RASSF3: variants seen among roughly 807,000 people sequenced by gnomAD.
RASSF3 encodes the protein ras association domain-containing protein 3.
In RASSF3, 19 loss-of-function variants were observed where a neutral mutation model predicts 19.9. The ratio of observed to expected loss-of-function variants is 0.96; its 90% CI spans 0.67 to 1.40. The LOEUF (loss-of-function observed/expected upper bound fraction) is 1.40, where lower values mean the gene tolerates loss of function less well. Among genes scored for constraint, RASSF3 ranks in the 40% most tolerant of loss-of-function variants. The pLI is 0.00. For synonymous variants in RASSF3, 110 were observed against 104.2 expected (o/e 1.06, Z -0.34); for missense variants, 306 against 289.8 (o/e 1.06, Z -0.41).
At chr12:64,576,103 A>G (rs2136132478) in intron 2 of RASSF3, among the ~76,000 whole-genome samples, 1 of 152,226 alleles carries the variant, frequency 6.6e-6, no homozygotes, top group South Asian at 2.1e-4. Flanking sequence ...TAAAGCAAGA[A>G]TAGTTAAAGC....
In RASSF3 at chr12:64,637,698, G is replaced by A. The variant is rs1871370099; in HGVS notation, c.111+26955G>A. Among the ~76,000 whole-genome samples, 3 of 152,120 alleles carry A rather than the reference G, an allele frequency of 2.0e-5. No homozygotes were observed. In the South Asian group the frequency reaches 6.2e-4, roughly 32 times the overall value. ...ACCCACCTCAGCCTCCCAAAGTGCT[G>A]GGATTACAGACATGAGCCACCATGC... is the stretch of plus-strand genomic sequence containing the variant. On this transcript the variant is annotated intron_variant, in intron 1 of 4. Transcript: ENST00000542104.
At chr12:64,604,914 C>T (rs1037864209) in intron 2 of RASSF3, among the ~76,000 whole-genome samples, 18 of 151,982 alleles carry the variant, frequency 1.2e-4, no homozygotes, top group Non-Finnish European at 2.6e-4. Context: ...CGTGAGCCAC[C>T]GTGCCCGGCC....
intron 1 of RASSF3, among the ~76,000 whole-genome samples, chr12:64,627,746 G>A (rs1019629201): frequency 2.0e-5 from 3 of 151,552 alleles, no homozygotes; most frequent in Non-Finnish European, 4.4e-5. Context: ...GGACATTTAG[G>A]TGAAAAGTAC....
intron 1 of RASSF3, among the ~76,000 whole-genome samples, chr12:64,624,453 T>A (rs559684583): frequency 1.1e-4 from 17 of 151,940 alleles, no homozygotes; most frequent in Non-Finnish European, 2.2e-4. Context: ...TTTTTTACAT[T>A]TTTAAGAGAC....
chr12:64,683,290 A>G (rs1873205805), intron 1 of RASSF3, among the ~76,000 whole-genome samples: 1 of 152,194 alleles, frequency 6.6e-6, no homozygotes, highest in Non-Finnish European at 1.5e-5. Context: ...TAAAGGCAAT[A>G]CAAGTTTGGT....
chr12:64,605,486 T>A (rs1184613328), intron 2 of RASSF3, among the ~76,000 whole-genome samples: 1 of 152,068 alleles, frequency 6.6e-6, no homozygotes, highest in Non-Finnish European at 1.5e-5. Context: ...CCAATGTCAA[T>A]GGAGGAGAAC....
At chr12:64,616,114 T>TA (rs1870543322) in intron 1 of RASSF3, among the ~76,000 whole-genome samples, 4 of 152,218 alleles carry the variant, frequency 2.6e-5, no homozygotes, top group Non-Finnish European at 5.9e-5. Flanking sequence ...ACGATATTAA[T>TA]CCATTGGAAT....
At chr12:64,544,926 C>T (rs970082791), downstream of RASSF3, among the ~76,000 whole-genome samples, 4 of 152,112 alleles carry the variant, frequency 2.6e-5, no homozygotes, top group African/African-American at 9.7e-5. Context: ...GTGTGTTCAG[C>T]GTGTGTGGTT....
Position 64,547,419 on chromosome 12 carries a change from T to G in RASSF3, c.294+5714T>G, listed in dbSNP as rs542402872. On this transcript the variant is annotated intron_variant, in intron 2 of 5. Transcript: ENST00000637125. ...CCATCTCTACTAAAAATACAAAAATTAACTGGGCGTGGTGGGACACACCTG... is the reference window on the plus strand; with the variant it reads ...CCATCTCTACTAAAAATACAAAAATGAACTGGGCGTGGTGGGACACACCTG... 2.0e-5 allele frequency among the ~76,000 whole-genome samples: 3 copies of G among 149,922 alleles called. No individual in the cohort carries two copies. The East Asian group carries it at 6.0e-4, about 30-fold the overall frequency.
rs149054823 is a variant in RASSF3, at chr12:64,579,715, T to C, written c.294+38010T>C. On this transcript the variant is annotated intron_variant, in intron 2 of 5. Coordinates refer to the RASSF3 transcript ENST00000637125. ...TGCTATTGCTTTGTGTTGTCTAATA[T>C]TAAAATATTTCTGTCTTTTTCCAGA... Among the ~76,000 whole-genome samples, 61 of 152,150 alleles carry C rather than the reference T, an allele frequency of 4.0e-4. 1 individual carries two copies. The East Asian group carries it at 0.011, about 28-fold the overall frequency.
chr12:64,608,319 G>GTTTA (rs201403917), upstream of RASSF3, among the ~76,000 whole-genome samples: 3,437 of 152,108 alleles, frequency 0.023, 126 homozygotes, highest in African/African-American at 0.078. Flanking sequence ...GCATCATAAA[G>GTTTA]TTTATTTATT....
In RASSF3 at chr12:64,694,865, A is replaced by T. The variant is rs1868332126; in HGVS notation, c.670A>T (p.Arg224Trp). The change falls in exon 5 of 5, where the codon AGG becomes TGG. Residue 224 changes from arginine (R) to tryptophan (W), a missense_variant. By Grantham distance (101) the Arg-to-Trp change is moderately radical. Transcript: ENST00000542104. ...CCTGAAGAGGCGCTACACAGCCTAC[A>T]GGCAGAAGCTGGAAGAAGCCCTCCG... Reference protein sequence around the residue: ...QNLKRRYTAYRQKLEEALREV... With the variant: ...QNLKRRYTAYWQKLEEALREV... The T allele has an allele frequency of 6.2e-7, 1 of 1,614,128 alleles. No homozygotes were observed. The highest frequency in any genetic ancestry group is 8.5e-7 in the Non-Finnish European group (1 of 1,180,044).
At position 64,547,821 on chromosome 12, in the gene RASSF3, G is replaced by A. The variant is rs571290189; in HGVS notation, c.294+6116G>A. ...CCTGTTGTATTGCATATATTTTTGT[G>A]ATTATAAAAACAATGCATGATTATT... On this transcript the variant is annotated intron_variant, in intron 2 of 5. Transcript: ENST00000637125. Among the ~76,000 whole-genome samples the A allele has an allele frequency of 4.6e-5, 7 of 152,110 alleles. No individual in the cohort carries two copies. The East Asian group carries it at 1.2e-3, about 25-fold the overall frequency.
chr12:64,680,652 C>T (rs994922198), intron 1 of RASSF3, among the ~76,000 whole-genome samples: 12 of 151,874 alleles, frequency 7.9e-5, no homozygotes, highest in African/African-American at 2.4e-4. Context: ...CTCGCTCTGT[C>T]GCCCAGGCTG....
intron 1 of RASSF3, among the ~76,000 whole-genome samples, chr12:64,674,940 C>T (rs920601174): frequency 6.6e-6 from 1 of 151,028 alleles, no homozygotes; most frequent in East Asian, 1.9e-4. Context: ...TTCTTTCTTA[C>T]AAGTATGTTT....
intron 1 of RASSF3, among the ~76,000 whole-genome samples, chr12:64,613,169 CTT>C (rs1338898501): frequency 5.9e-5 from 9 of 152,148 alleles, no homozygotes; most frequent in Non-Finnish European, 8.8e-5. Flanking sequence ...GCAAAACACT[CTT>C]AATGTAGAAT....
chr12:64,684,438 T>G (rs1873263239), intron 1 of RASSF3, among the ~76,000 whole-genome samples: 1 of 149,404 alleles, frequency 6.7e-6, no homozygotes, highest in African/African-American at 2.5e-5. Flanking sequence ...TTTGTTTGTT[T>G]TTTTTTTTTG....
intron 1 of RASSF3, among the ~76,000 whole-genome samples, chr12:64,683,243 C>T (rs1471635652): frequency 2.0e-5 from 3 of 152,112 alleles, no homozygotes; most frequent in Non-Finnish European, 2.9e-5. Flanking sequence ...CTGAAACTGG[C>T]ATAATAATGC....
chr12:64,550,009 T>G (rs1188652232), intron 2 of RASSF3, among the ~76,000 whole-genome samples: 1 of 152,090 alleles, frequency 6.6e-6, no homozygotes, highest in Non-Finnish European at 1.5e-5. Context: ...CTTTGATTGA[T>G]GAGGGAGGTG....
Sources: gnomAD v4.1 joint callset for allele counts (sites outside exome capture counted in the v4.1 genomes callset) on GRCh38, gnomAD v4.1.1 for gene constraint, MANE v1.5 for transcripts, NCBI Gene and HGNC (gene_info 2026-07-23, HGNC 2026-07-21) for gene names.